MTMR14: variants seen among roughly 807,000 people sequenced by gnomAD.
MTMR14 encodes the protein myotubularin related protein 14.
Under a neutral mutation model 86.3 loss-of-function variants are expected in MTMR14, and 48 were observed. That is an observed-to-expected ratio of 0.56 (90% CI 0.44 to 0.71). The LOEUF (loss-of-function observed/expected upper bound fraction) is 0.71. Among genes scored for constraint, MTMR14 ranks in the 30% least tolerant of loss-of-function variants. The pLI is 0.00. For missense variants in MTMR14, 780 were observed against 834.6 expected, an observed-to-expected ratio of 0.93 and a Z score of 0.81; for synonymous variants, 366 against 326.1, an observed-to-expected ratio of 1.12 and a Z score of -1.32.
intron 7 of MTMR14, chr3:9,675,484 G>T: frequency 2.3e-6 from 1 of 438,718 alleles, no homozygotes; most frequent in Middle Eastern, 3.3e-4. Context: ...AGTTCTAGAT[G>T]TGTCACACTA....
At chr3:9,680,767 G>T (rs2075738712) in intron 9 of MTMR14, among the ~76,000 whole-genome samples, 1 of 152,234 alleles carries the variant, frequency 6.6e-6, no homozygotes, top group African/African-American at 2.4e-5. Flanking sequence ...AACCCGGGAG[G>T]CGGAGCTTGC....
rs779530978 is a variant in MTMR14, at chr3:9,697,843, G to A, written c.1746G>A (p.Pro582=). ...HTDSSLPFSF[P]DELPNSCLLA... is the part of the protein sequence containing the mutation. Reference sequence around the variant, plus strand: ...ACTCCTCTCTCCCTTTCAGCTTCCCGGATGAGCTCCCTAACAGTTGTCTGT... The same window carrying A: ...ACTCCTCTCTCCCTTTCAGCTTCCCAGATGAGCTCCCTAACAGTTGTCTGT... The change falls in exon 18 of 19, where the codon CCG becomes CCA. Residue 582 remains proline (P), a synonymous_variant. Transcript: ENST00000296003. The A allele has an allele frequency of 1.3e-4, 216 of 1,614,066 alleles. No homozygotes were observed. The highest frequency in any genetic ancestry group is 1.5e-4 in the Non-Finnish European group (181 of 1,180,048).
intron 13 of MTMR14, among the ~76,000 whole-genome samples, chr3:9,686,111 C>T (rs1339010849): frequency 2.6e-5 from 4 of 152,170 alleles, no homozygotes; most frequent in African/African-American, 9.7e-5. Flanking sequence ...CTCGCACCTC[C>T]TCCTTTTGTT....
At chr3:9,663,614 C>G (rs568218380) in intron 3 of MTMR14, among the ~76,000 whole-genome samples, 2 of 140,860 alleles carry the variant, frequency 1.4e-5, no homozygotes, top group Non-Finnish European at 3.1e-5. Flanking sequence ...CCCGGGTTCA[C>G]GCCATTCTCC....
In MTMR14 at chr3:9,657,209, G is replaced by A. The variant is rs375234425; in HGVS notation, c.308+3440G>A. 2.9e-4 allele frequency among the ~76,000 whole-genome samples: 44 copies of A among 152,274 alleles called. No individual in the cohort carries two copies. The East Asian group carries it at 5.4e-3, about 19-fold the overall frequency. On this transcript the variant is annotated intron_variant, in intron 2 of 18. Coordinates refer to ENST00000296003, the MANE Select transcript of MTMR14 (RefSeq NM_001077525.3). The stretch of plus-strand genomic sequence containing the variant: ...GAGGTGAGAGCCACCGCACCCAACA[G>A]AGTGGTTCTTTTCTATGTTGATTTT...
chr3:9,682,317 G>A lies in MTMR14; in HGVS notation c.898-861G>A, dbSNP rs1028427871. ...TGGGAAAGCCACTCCAATTACAGGT[G>A]CCGTGTTCCCCCTCCCCCTGGGAAG... On this transcript the variant is annotated intron_variant, in intron 9 of 18. Coordinates refer to ENST00000296003, the MANE Select transcript of MTMR14 (RefSeq NM_001077525.3). Among the ~76,000 whole-genome samples, 3 of 152,316 alleles carry A rather than the reference G, an allele frequency of 2.0e-5. No homozygotes were observed. The East Asian group carries it at 5.8e-4, about 29-fold the overall frequency.
At chr3:9,654,407 G>C (rs781310765) in intron 2 of MTMR14, among the ~76,000 whole-genome samples, 32 of 152,220 alleles carry the variant, frequency 2.1e-4, no homozygotes, top group Non-Finnish European at 4.1e-4. Context: ...ACCATTTATG[G>C]TGGGCCTACC....
chr3:9,694,120 A>T (rs2076215182), intron 17 of MTMR14, among the ~76,000 whole-genome samples: 1 of 152,108 alleles, frequency 6.6e-6, no homozygotes, highest in Non-Finnish European at 1.5e-5. Flanking sequence ...CTCCCGTTGG[A>T]GGTTACGTGG....
At chr3:9,676,389 C>T (rs924677793) in intron 7 of MTMR14, among the ~76,000 whole-genome samples, 1 of 152,266 alleles carries the variant, frequency 6.6e-6, no homozygotes, top group Non-Finnish European at 1.5e-5. Flanking sequence ...AAGACGCATT[C>T]TCTCTGACCA....
intron 3 of MTMR14, among the ~76,000 whole-genome samples, chr3:9,663,047 C>T (rs1415067859): frequency 1.3e-5 from 2 of 152,110 alleles, no homozygotes; most frequent in African/African-American, 2.4e-5. Flanking sequence ...TGAATGAAGA[C>T]GGCTGAACGC....
At chr3:9,671,001 G>A in intron 5 of MTMR14, 47 bp from the exon 6 acceptor site, 1 of 1,613,282 alleles carries the variant, frequency 6.2e-7, no homozygotes, top group Non-Finnish European at 8.5e-7. Context: ...CCAAGCTCCT[G>A]TGAGTGAACA....
At chr3:9,653,851 C>T in intron 2 of MTMR14, 82 bp downstream of exon 2, 1 of 1,574,112 alleles carries the variant, frequency 6.4e-7, no homozygotes, top group Non-Finnish European at 8.7e-7. Context: ...TGTAGCTGGG[C>T]AGGGCAGAAT....
intron 3 of MTMR14, among the ~76,000 whole-genome samples, chr3:9,665,311 C>G (rs2048185777): frequency 6.6e-6 from 1 of 151,720 alleles, no homozygotes; most frequent in Non-Finnish European, 1.5e-5. Flanking sequence ...TCTCACGTAC[C>G]CCATAAGTAA....
Position 9,688,677 on chromosome 3 carries a change from C to T in MTMR14, c.1236-19C>T, listed in dbSNP as rs773135868. ...CCCCAGATAGATCTGGAATTTACTG[C>T]TCCGGCTTCCATTTCTAGGAGGAAG... On this transcript the variant is annotated intron_variant, in intron 14 of 18. Transcript: ENST00000296003. The T allele has an allele frequency of 4.3e-6, 7 of 1,613,978 alleles. No individual in the cohort carries two copies. Among genetic ancestry groups the T allele is most frequent in the Admixed American group, 3.3e-5 (2 of 59,990 alleles).
At chr3:9,693,619 A>G (rs751852840) in intron 17 of MTMR14, among the ~76,000 whole-genome samples, 5 of 152,250 alleles carry the variant, frequency 3.3e-5, no homozygotes, top group Non-Finnish European at 7.3e-5. Flanking sequence ...AGTGGATCAT[A>G]ATAAAGGTCT....
At chr3:9,657,841 G>A (rs1321330872) in intron 2 of MTMR14, among the ~76,000 whole-genome samples, 1 of 152,122 alleles carries the variant, frequency 6.6e-6, no homozygotes, top group African/African-American at 2.4e-5. Flanking sequence ...GAGCCACCGC[G>A]CCTGGCCCTC....
chr3:9,671,104 G>A lies in MTMR14; in HGVS notation c.611G>A (p.Arg204Gln). 5.0e-6 allele frequency: 8 copies of A among 1,614,180 alleles called. No homozygotes were observed. The highest frequency in any genetic ancestry group is 6.8e-6 in the Non-Finnish European group (8 of 1,180,038). The stretch of plus-strand genomic sequence containing the variant: ...AGAGGCTATGACATCAAGCTGCTTC[G>A]ATACCTGTCAGTCAAATACATCTGT... ...KVRGYDIKLL[R>Q]YLSVKYICDL... The change falls in exon 6 of 19, where the codon CGA becomes CAA. Residue 204 changes from arginine (R) to glutamine (Q), a missense_variant. Coordinates refer to ENST00000296003, the MANE Select transcript of MTMR14 (RefSeq NM_001077525.3).
At chr3:9,668,997 G>A (rs942905258) in intron 4 of MTMR14, among the ~76,000 whole-genome samples, 1 of 152,034 alleles carries the variant, frequency 6.6e-6, no homozygotes, top group South Asian at 2.1e-4. Context: ...AAAATTTGCC[G>A]GGTGTGGTGA....
intron 4 of MTMR14, among the ~76,000 whole-genome samples, chr3:9,669,149 A>G (rs2048429118): frequency 6.6e-6 from 1 of 152,050 alleles, no homozygotes; most frequent in East Asian, 1.9e-4. Context: ...CAAAAAAAAA[A>G]AAAAAAGAAT....
Sources: allele counts gnomAD v4.1 joint callset (sites outside exome capture counted in the v4.1 genomes callset), GRCh38; gene constraint gnomAD v4.1.1; transcripts MANE v1.5; gene names NCBI Gene and HGNC (gene_info 2026-07-23, HGNC 2026-07-21).